Variants in FBXO9 observed in about 807,000 individuals in gnomAD.
FBXO9 encodes F-box protein 9, also known as F-box only protein 9.
Under a neutral mutation model 63.7 loss-of-function variants are expected in FBXO9, and 43 were observed. The observed-to-expected ratio is 0.67, with a 90% CI of 0.53 to 0.87. FBXO9 has a LOEUF of 0.87. Ranked by LOEUF, FBXO9 falls within the 40% of genes least tolerant of loss-of-function variation. The pLI, the probability that FBXO9 is intolerant of heterozygous loss-of-function variation, is 0.00. For missense variants in FBXO9, 442 were observed against 533.2 expected (o/e 0.83, Z 1.68); for synonymous variants, 156 against 171.7 (o/e 0.91, Z 0.72).
intron 10 of FBXO9, 61 bp downstream of exon 10, chr6:53,093,622 G>A (rs1763113170): frequency 2.4e-6 from 3 of 1,265,976 alleles, no homozygotes; most frequent in Non-Finnish European, 3.4e-6. Context: ...TTCCTTGCAG[G>A]TTAAAGTAAT....
At chr6:53,077,310 T>G (rs1013927218) in intron 4 of FBXO9, among the ~76,000 whole-genome samples, 3 of 151,200 alleles carry the variant, frequency 2.0e-5, no homozygotes, top group African/African-American at 7.3e-5. Context: ...CCGTCTCTAC[T>G]AAAAATACAA....
intron 3 of FBXO9, among the ~76,000 whole-genome samples, chr6:53,075,806 C>T (rs187928468): frequency 7.4e-4 from 93 of 125,740 alleles, no homozygotes; most frequent in African/African-American, 2.5e-3. Flanking sequence ...TGCTGTGGCA[C>T]GATCTCAGCT....
At chr6:53,065,855 C>T in intron 1 of FBXO9, 63 bp downstream of exon 1, 1 of 1,276,052 alleles carries the variant, frequency 7.8e-7, no homozygotes. Flanking sequence ...TGCAGAGGGG[C>T]CGGGCCTAGG....
intron 1 of FBXO9, among the ~76,000 whole-genome samples, chr6:53,070,068 G>T (rs1201903012): frequency 1.5e-4 from 21 of 140,620 alleles, no homozygotes; most frequent in African/African-American, 5.6e-4. Flanking sequence ...ATCCAGGCTG[G>T]AGTGCAATGG....
At chr6:53,087,341 C>CAAAAAAAAAAAAAAAAAAAAAAAAAA in intron 7 of FBXO9, among the ~76,000 whole-genome samples, 1 of 48,420 alleles carries the variant, frequency 2.1e-5, no homozygotes, top group Non-Finnish European at 4.3e-5. Flanking sequence ...GATCCTATCT[C>CAAAAAAAAAAAAAAAAAAAAAAAAAA]AAAAAAAAAA....
At chr6:53,095,362 T>C in intron 11 of FBXO9, 151 bp from the exon 12 acceptor site, 1 of 601,304 alleles carries the variant, frequency 1.7e-6, no homozygotes, top group African/African-American at 1.9e-5. Context: ...TAACAGTTTT[T>C]AAAGCACTCA....
chr6:53,076,044 A>C (rs1267383066), intron 3 of FBXO9, among the ~76,000 whole-genome samples: 4 of 152,116 alleles, frequency 2.6e-5, no homozygotes, highest in Non-Finnish European at 4.4e-5. Context: ...GCGCCCAGCC[A>C]GATGCTAATA....
chr6:53,067,317 G>C (rs916411975), intron 1 of FBXO9, among the ~76,000 whole-genome samples: 3 of 152,142 alleles, frequency 2.0e-5, no homozygotes, highest in Non-Finnish European at 4.4e-5. Context: ...TGACCTTATG[G>C]TTACAGAGGT....
chr6:53,080,955 T>A lies in FBXO9; in HGVS notation c.408-13T>A, dbSNP rs776413973. The A allele has an allele frequency of 6.2e-7, 1 of 1,613,148 alleles. No homozygotes were observed. The highest frequency in any genetic ancestry group is 1.1e-5 in the South Asian group (1 of 90,994). On this transcript the variant is annotated splice_polypyrimidine_tract_variant and intron_variant, in intron 5 of 12. Coordinates refer to ENST00000323557, the MANE Select transcript of FBXO9 (RefSeq NM_033480.3). ...GACTGAGGCACTTAATTTATTCACC[T>A]CCCTTTTTTCAGCATTGAAGATAAT...
chr6:53,080,107 C>T (rs1449358936), intron 5 of FBXO9, among the ~76,000 whole-genome samples: 1 of 151,846 alleles, frequency 6.6e-6, no homozygotes, highest in Non-Finnish European at 1.5e-5. Flanking sequence ...TTTTCTTTCC[C>T]ATTTTTTATA....
Position 53,098,214 on chromosome 6 carries a change from A to G in FBXO9, c.*384A>G. 2.9e-6 allele frequency: 1 copy of G among 348,016 alleles called. No homozygotes were observed. Among genetic ancestry groups the G allele is most frequent in the Non-Finnish European group, 6.0e-6 (1 of 165,430 alleles). The allele number at this position is 348,016 out of a possible 1,614,324, so 21.6% of individuals were successfully genotyped here. On this transcript the variant is annotated 3_prime_UTR_variant, in exon 13 of 13. Transcript: ENST00000323557. ...TCGTCTTCTGCTTGAGTATCCTAAT[A>G]TTTCAATGCATCAGGGGAGCGCTCC... is the stretch of plus-strand genomic sequence containing the variant.
At chr6:53,073,134 A>T (rs561057891) in intron 2 of FBXO9, among the ~76,000 whole-genome samples, 1 of 152,316 alleles carries the variant, frequency 6.6e-6, no homozygotes, top group South Asian at 2.1e-4. Context: ...CTTAATGTCT[A>T]CTAGATGATA....
intron 2 of FBXO9, among the ~76,000 whole-genome samples, chr6:53,071,398 T>A (rs1768911193): frequency 6.6e-6 from 1 of 152,222 alleles, no homozygotes. Flanking sequence ...AAACCCATAA[T>A]CTTAAAAAGA....
At chr6:53,097,153 C>T (rs750839934) in intron 12 of FBXO9, among the ~76,000 whole-genome samples, 9 of 151,950 alleles carry the variant, frequency 5.9e-5, no homozygotes, top group Non-Finnish European at 1.2e-4. Context: ...CTTTCCCTCC[C>T]CCCTGCCTAT....
chr6:53,093,349 C>T (rs1012107658), intron 9 of FBXO9, 117 bp from the exon 10 acceptor site: 39 of 596,298 alleles, frequency 6.5e-5, no homozygotes, highest in Non-Finnish European at 9.9e-5. Flanking sequence ...TTCTTTAGCC[C>T]GTGGTATTTC....
chr6:53,085,920 C>T (rs574659737), intron 7 of FBXO9, among the ~76,000 whole-genome samples: 107 of 152,096 alleles, frequency 7.0e-4, no homozygotes, highest in African/African-American at 2.4e-3. Context: ...GAGGATGAGG[C>T]GGGTGGATTA....
In FBXO9 at chr6:53,098,658, T is replaced by C. The variant is rs1272165728; in HGVS notation, c.*828T>C. 1 of 152,198 alleles carries C rather than the reference T, an allele frequency of 6.6e-6. No individual in the cohort carries two copies. Among genetic ancestry groups the C allele is most frequent in the African/African-American group, 2.4e-5 (1 of 41,446 alleles). The allele number at this position is 152,198 out of a possible 1,614,324, so 9.4% of individuals were successfully genotyped here. Reference sequence around the variant, plus strand: ...TTATATGTAGCCACAAACACTGACCTCATGTAGGCACCTTACCAATATATG... The same window carrying C: ...TTATATGTAGCCACAAACACTGACCCCATGTAGGCACCTTACCAATATATG... On this transcript the variant is annotated 3_prime_UTR_variant, in exon 13 of 13. Coordinates refer to ENST00000323557, the MANE Select transcript of FBXO9 (RefSeq NM_033480.3).
intron 5 of FBXO9, among the ~76,000 whole-genome samples, chr6:53,079,848 A>C (rs1472180602): frequency 6.6e-6 from 1 of 152,174 alleles, no homozygotes; most frequent in African/African-American, 2.4e-5. Flanking sequence ...GCTTTGGATA[A>C]GTCATATTAA....
intron 12 of FBXO9, among the ~76,000 whole-genome samples, 158 bp downstream of exon 12, chr6:53,095,822 C>G (rs1236909654): frequency 6.6e-6 from 1 of 152,012 alleles, no homozygotes. Context: ...AGAAAATGGC[C>G]CAAACGAAAA....
Sources: gnomAD v4.1 joint callset for allele counts (sites outside exome capture counted in the v4.1 genomes callset) on GRCh38, gnomAD v4.1.1 for gene constraint, MANE v1.5 for transcripts, NCBI Gene and HGNC (gene_info 2026-07-23, HGNC 2026-07-21) for gene names.